The following UNC13B variants were observed in gnomAD, a reference collection of about 807,000 sequenced individuals.
The protein encoded by UNC13B is protein unc-13 homolog B.
In UNC13B, 144 loss-of-function variants were observed where a neutral mutation model predicts 211.0. The ratio of observed to expected loss-of-function variants is 0.68; its 90% CI spans 0.60 to 0.78. UNC13B has a LOEUF of 0.78. UNC13B is among the 30% of genes least tolerant of loss of function. UNC13B has a pLI of 0.00. For synonymous variants in UNC13B, 709 were observed against 725.8 expected (o/e 0.98, Z 0.37); for missense variants, 1,777 against 2,002.0 (o/e 0.89, Z 2.14).
chr9:35,211,391 T>G (rs1194518410), intron 1 of UNC13B, among the ~76,000 whole-genome samples: 1 of 152,220 alleles, frequency 6.6e-6, no homozygotes, highest in Non-Finnish European at 1.5e-5. Flanking sequence ...GATTTGTGTT[T>G]TTACATTCAT....
intron 7 of UNC13B, among the ~76,000 whole-genome samples, chr9:35,259,274 T>C (rs1000528276): frequency 2.6e-5 from 4 of 152,178 alleles, no homozygotes; most frequent in South Asian, 4.1e-4. Flanking sequence ...TCATCTTTTT[T>C]TCTACATTTG....
Position 35,237,764 on chromosome 9 carries a change from G to A in UNC13B, c.332G>A (p.Cys111Tyr). Reference protein sequence around the residue: ...AETLMKDDEICGTRNPTPHKI... With the variant: ...AETLMKDDEIYGTRNPTPHKI... ...ACGTTAATGAAAGACGATGAGATCTGTGGAACTAGAAACCCAACTCCTCAT... is the reference window on the plus strand; with the variant it reads ...ACGTTAATGAAAGACGATGAGATCTATGGAACTAGAAACCCAACTCCTCAT... The change falls in exon 5 of 40, where the codon TGT becomes TAT. Residue 111 changes from cysteine (C) to tyrosine (Y), a missense_variant. Transcript: ENST00000635942. 3 of 1,614,048 alleles carry A rather than the reference G, an allele frequency of 1.9e-6. No individual in the cohort carries two copies. Among genetic ancestry groups the A allele is most frequent in the Admixed American group, 1.7e-5 (1 of 59,974 alleles).
intron 6 of UNC13B, among the ~76,000 whole-genome samples, chr9:35,248,333 G>A (rs925766622): frequency 1.3e-5 from 2 of 151,946 alleles, no homozygotes; most frequent in African/African-American, 4.8e-5. Flanking sequence ...TTTTTTGAAG[G>A]GTTTTTTGTG....
chr9:35,310,668 T>A lies in UNC13B; in HGVS notation c.9210T>A (p.Gly3070=), dbSNP rs1268277107. ...AAGAGAAACCCTTGGAGGTGACAGG[T>A]CAAGCAGAGAAGGAGGCAGCATGTG... The part of the protein sequence containing the change: ...GEQEKPLEVT[G]QAEKEAACEP... Residue 3070 remains glycine, a synonymous_variant, in exon 10 of 40, where the codon GGT becomes GGA. Coordinates refer to ENST00000635942, the MANE Select transcript of UNC13B (RefSeq NM_001371189.2). 2 of 1,613,248 alleles carry A rather than the reference T, an allele frequency of 1.2e-6. No individual in the cohort carries two copies. The highest frequency in any genetic ancestry group is 1.7e-5 in the Admixed American group (1 of 59,898).
At chr9:35,398,313 C>T (rs1836023794) in intron 31 of UNC13B, 25 bp downstream of exon 31, 1 of 1,606,720 alleles carries the variant, frequency 6.2e-7, no homozygotes, top group Non-Finnish European at 8.5e-7. Flanking sequence ...TTGGGAGTCA[C>T]TGTATTTTCC....
chr9:35,386,395 G>A, intron 24 of UNC13B, 102 bp downstream of exon 24: 1 of 1,504,584 alleles, frequency 6.6e-7, no homozygotes, highest in Non-Finnish European at 9.0e-7. Flanking sequence ...CAAAGTACTT[G>A]ATGTTCTCAA....
At chr9:35,350,740 A>G (rs971369556) in intron 11 of UNC13B, among the ~76,000 whole-genome samples, 3 of 151,932 alleles carry the variant, frequency 2.0e-5, no homozygotes, top group African/African-American at 4.8e-5. Flanking sequence ...TACGTAAACC[A>G]TTGTCCTTTC....
intron 7 of UNC13B, among the ~76,000 whole-genome samples, chr9:35,271,192 T>A (rs904943849): frequency 6.6e-6 from 1 of 151,040 alleles, no homozygotes; most frequent in Non-Finnish European, 1.5e-5. Flanking sequence ...TGCCTCTGCA[T>A]CTTTGTTAAA....
Position 35,300,466 on chromosome 9 carries a change from A to G in UNC13B, c.1062A>G (p.Ser354=), listed in dbSNP as rs1829618460. Residue 354 remains serine, a synonymous_variant, in exon 9 of 40, where the codon TCA becomes TCG. Transcript: ENST00000635942. ...LSSCLRHCEK[S]SGSNQHVTNF... Reference sequence around the variant, plus strand: ...GTTGTTTAAGGCACTGTGAAAAGTCATCTGGCTCAAACCAGCATGTCACTA... The same window carrying G: ...GTTGTTTAAGGCACTGTGAAAAGTCGTCTGGCTCAAACCAGCATGTCACTA... 5 of 398,908 alleles carry G rather than the reference A, an allele frequency of 1.3e-5. No homozygotes were observed. In the South Asian group the frequency reaches 3.8e-4, roughly 30 times the overall value. The allele number at this position is 398,908 out of a possible 1,614,324, so 24.7% of individuals were successfully genotyped here.
chr9:35,191,131 T>C (rs1822636690), intron 1 of UNC13B, among the ~76,000 whole-genome samples: 1 of 152,098 alleles, frequency 6.6e-6, no homozygotes, highest in South Asian at 2.1e-4. Context: ...AGCTAATTTT[T>C]GTAGTTTTAG....
chr9:35,162,207 C>A lies in UNC13B; in HGVS notation c.-77C>A. 6.5e-7 allele frequency: 1 copy of A among 1,537,282 alleles called. No homozygotes were observed. The highest frequency in any genetic ancestry group is 1.2e-5 in the South Asian group (1 of 83,878). On this transcript the variant is annotated 5_prime_UTR_variant, in exon 1 of 40. Transcript: ENST00000635942. ...CCGTGGGGCCGGTAACGAGAGCAGTCGCGGCACCTGCTGAGAGGAAAGAGG... is the reference window on the plus strand; with the variant it reads ...CCGTGGGGCCGGTAACGAGAGCAGTAGCGGCACCTGCTGAGAGGAAAGAGG...
chr9:35,169,224 G>A (rs79704359), intron 1 of UNC13B, among the ~76,000 whole-genome samples: 451 of 152,252 alleles, frequency 3.0e-3, no homozygotes, highest in African/African-American at 0.01. Flanking sequence ...GCGTGTTGAC[G>A]CATGCCGGTA....
At chr9:35,352,521 C>T (rs558802702) in intron 11 of UNC13B, 2 of 1,232,120 alleles carry the variant, frequency 1.6e-6, no homozygotes, top group African/African-American at 3.1e-5. Flanking sequence ...TATAGTCAGA[C>T]TTCTTTAAAC....
At chr9:35,175,009 G>A (rs1821545472) in intron 1 of UNC13B, among the ~76,000 whole-genome samples, 1 of 151,768 alleles carries the variant, frequency 6.6e-6, no homozygotes, top group African/African-American at 2.4e-5. Context: ...TGTGGCTGAG[G>A]CTTGTCTCGA....
chr9:35,239,985 A>G (rs1322847776), intron 5 of UNC13B, among the ~76,000 whole-genome samples: 2 of 152,166 alleles, frequency 1.3e-5, no homozygotes, highest in Non-Finnish European at 2.9e-5. Flanking sequence ...GCCACATTCA[A>G]CCTCAGCTTA....
intron 1 of UNC13B, among the ~76,000 whole-genome samples, chr9:35,208,761 C>G (rs1192184032): frequency 6.6e-6 from 1 of 152,186 alleles, no homozygotes; most frequent in East Asian, 1.9e-4. Flanking sequence ...TCACCTCCCA[C>G]CAGGCCCCAC....
intron 18 of UNC13B, 49 bp from the exon 19 acceptor site, chr9:35,381,051 T>C (rs767456646): frequency 4.5e-5 from 70 of 1,549,896 alleles, no homozygotes; most frequent in Admixed American, 3.5e-4. Context: ...GAACTATCTA[T>C]GCTGTCTAGT....
At position 35,381,288 on chromosome 9, in the gene UNC13B, C is replaced by G. The variant is rs139444383; in HGVS notation, c.10491+73C>G. ...AGGCCTTTGGCCATAAGTAGGATTG[C>G]TAGGTGGTTGGAATCCGAGGCCCAT... On this transcript the variant is annotated intron_variant, in intron 19 of 39. Coordinates refer to ENST00000635942, the MANE Select transcript of UNC13B (RefSeq NM_001371189.2). The G allele has an allele frequency of 3.0e-5, 41 of 1,354,662 alleles. No homozygotes were observed. The African/African-American group carries it at 5.5e-4, about 18-fold the overall frequency. 83.9% of individuals were successfully genotyped at this position (1,354,662 alleles called of 1,614,324 possible).
Position 35,378,430 on chromosome 9 carries a change from T to C in UNC13B, c.10199T>C (p.Phe3400Ser), listed in dbSNP as rs745736241. Residue 3400 changes from phenylalanine (F) to serine (S), a missense_variant, in exon 17 of 40, where the codon TTC becomes TCC. Phe to Ser is a radical substitution (Grantham distance 155, BLOSUM62 -2). Coordinates refer to ENST00000635942, the MANE Select transcript of UNC13B (RefSeq NM_001371189.2). The stretch of plus-strand genomic sequence containing the variant: ...TTGAATCCTGTTTGGGAGGAGAAGT[T>C]CCATTTGTAAGTCACAGAGAGCTTT... ...GNLNPVWEEK[F>S]HFECHNSSDR... 6.2e-7 allele frequency: 1 copy of C among 1,614,104 alleles called. No homozygotes were observed. Among genetic ancestry groups the C allele is most frequent in the Non-Finnish European group, 8.5e-7 (1 of 1,180,004 alleles).
Sources: allele counts gnomAD v4.1 joint callset (sites outside exome capture counted in the v4.1 genomes callset), GRCh38; gene constraint gnomAD v4.1.1; transcripts MANE v1.5; gene names NCBI Gene and HGNC (gene_info 2026-07-23, HGNC 2026-07-21).